Variants in PROM1 observed in about 807,000 individuals in gnomAD.
The protein encoded by PROM1 is prominin 1.
Under a neutral mutation model 116.9 loss-of-function variants are expected in PROM1, and 105 were observed. The observed-to-expected ratio is 0.90, with a 90% CI of 0.77 to 1.06. PROM1 has a LOEUF of 1.06. Among genes scored for constraint, PROM1 ranks in the 50% least tolerant of loss-of-function variants. The pLI is 0.00. For synonymous variants in PROM1, 393 were observed against 387.0 expected, an observed-to-expected ratio of 1.02 and a Z score of -0.18; for missense variants, 1,122 against 1,045.2, an observed-to-expected ratio of 1.07 and a Z score of -1.01.
intron 15 of PROM1, among the ~76,000 whole-genome samples, 178 bp downstream of exon 15, chr4:15,998,207 A>G (rs921595875): frequency 2.0e-5 from 3 of 152,240 alleles, no homozygotes; most frequent in African/African-American, 7.2e-5. Flanking sequence ...AAAGGCTTTC[A>G]GTAGAAGGAA....
intron 2 of PROM1, among the ~76,000 whole-genome samples, chr4:16,060,857 C>T (rs1237156065): frequency 3.3e-5 from 5 of 152,092 alleles, no homozygotes; most frequent in East Asian, 1.9e-4. Flanking sequence ...ATATTGAACA[C>T]GAAAGCAACA....
intron 22 of PROM1, 36 bp downstream of exon 22, chr4:15,985,724 A>AC (rs758333105): frequency 6.6e-6 from 9 of 1,369,952 alleles, no homozygotes; most frequent in African/African-American, 5.7e-5. Context: ...CTGAAACTTG[A>AC]CCCCCCTTAA....
chr4:16,004,805 ATCTT>A (rs147556972), intron 13 of PROM1, among the ~76,000 whole-genome samples: 19,417 of 123,672 alleles, frequency 0.16, 1,718 homozygotes, highest in African/African-American at 0.22. Flanking sequence ...CTTGCAGCTA[ATCTT>A]TCTTTCTTTC....
In PROM1 at chr4:16,076,102, C is replaced by A; in HGVS notation, c.-196G>T. ...AAGAATGTTCTCCAAGGGGGTCATTCACTCAAGGCACCATCCCTGGCAGGG... is the reference window on the plus strand; with the variant it reads ...AAGAATGTTCTCCAAGGGGGTCATTAACTCAAGGCACCATCCCTGGCAGGG... On this transcript the variant is annotated 5_prime_UTR_variant, in exon 2 of 28. It introduces an in-frame stop codon into an upstream open reading frame of the 5' UTR. Coordinates refer to ENST00000447510, the MANE Select transcript of PROM1 (RefSeq NM_006017.3). The A allele has an allele frequency of 9.0e-7, 1 of 1,111,180 alleles. No homozygotes were observed. Among genetic ancestry groups the A allele is most frequent in the African/African-American group, 1.6e-5 (1 of 63,398 alleles). The allele number at this position is 1,111,180 out of a possible 1,614,324, so 68.8% of individuals were successfully genotyped here. A position where few individuals can be genotyped will look rare whatever the true frequency, so the allele number is the denominator to read the frequency against.
At chr4:15,970,107 A>G (rs1337243321) in intron 27 of PROM1, among the ~76,000 whole-genome samples, 1 of 151,918 alleles carries the variant, frequency 6.6e-6, no homozygotes, top group Non-Finnish European at 1.5e-5. Flanking sequence ...CTGGGACTAC[A>G]GGCAGGTACC....
chr4:16,004,552 C>G (rs1724672543), intron 13 of PROM1, among the ~76,000 whole-genome samples: 1 of 152,128 alleles, frequency 6.6e-6, no homozygotes, highest in African/African-American at 2.4e-5. Context: ...GGTATATATA[C>G]ACACCCCACC....
chr4:15,971,114 C>A (rs1416483995), intron 26 of PROM1, 32 bp from the exon 27 acceptor site: 2 of 1,538,990 alleles, frequency 1.3e-6, no homozygotes, highest in Non-Finnish European at 8.7e-7. Context: ...AAATATAATA[C>A]CCCCAACAAA....
At chr4:16,066,496 CAG>C (rs1210143831) in intron 2 of PROM1, among the ~76,000 whole-genome samples, 3 of 152,174 alleles carry the variant, frequency 2.0e-5, no homozygotes, top group Non-Finnish European at 2.9e-5. Context: ...TAGTGGACGT[CAG>C]AGTTGGGATT....
chr4:16,081,342 A>G (rs1745011856), intron 1 of PROM1, among the ~76,000 whole-genome samples: 1 of 152,136 alleles, frequency 6.6e-6, no homozygotes, highest in Non-Finnish European at 1.5e-5. Context: ...CTGAAACTGG[A>G]TCCCTTCCTT....
intron 5 of PROM1, among the ~76,000 whole-genome samples, chr4:16,025,995 G>T (rs1165184440): frequency 6.6e-6 from 1 of 152,224 alleles, no homozygotes; most frequent in Non-Finnish European, 1.5e-5. Context: ...CAGTGGTTAT[G>T]CCCAGAGCAG....
At chr4:16,005,875 T>C (rs1156481029) in intron 13 of PROM1, among the ~76,000 whole-genome samples, 2 of 152,334 alleles carry the variant, frequency 1.3e-5, no homozygotes, top group East Asian at 1.9e-4. Context: ...CTGGCCCCGG[T>C]TGCACCTGGC....
intron 13 of PROM1, among the ~76,000 whole-genome samples, chr4:16,002,277 GGCAAGT>G (rs1724070584): frequency 1.3e-5 from 2 of 152,296 alleles, no homozygotes; most frequent in South Asian, 4.1e-4. Context: ...GTCAGACTAT[GGCAAGT>G]CCATTTGAGA....
chr4:15,992,725 C>T (rs936480512), intron 16 of PROM1, among the ~76,000 whole-genome samples: 1 of 152,210 alleles, frequency 6.6e-6, no homozygotes, highest in Non-Finnish European at 1.5e-5. Flanking sequence ...CATTTCCCAT[C>T]TCTTTCTCTA....
intron 13 of PROM1, chr4:16,003,153 A>C (rs1724303717): frequency 2.7e-6 from 1 of 373,082 alleles, no homozygotes; most frequent in Non-Finnish European, 5.4e-6. Context: ...AACTTTTGTC[A>C]ACAAATTAGG....
chr4:16,025,430 T>G (rs1731012692), intron 5 of PROM1, 118 bp from the exon 6 acceptor site: 1 of 1,259,446 alleles, frequency 7.9e-7, no homozygotes, highest in Non-Finnish European at 1.1e-6. Context: ...TGGCCTTTCC[T>G]CTCCCGCTGC....
intron 2 of PROM1, among the ~76,000 whole-genome samples, chr4:16,040,045 C>T (rs976061048): frequency 1.3e-5 from 2 of 152,166 alleles, no homozygotes; most frequent in East Asian, 3.8e-4. Context: ...CACTCTCTCT[C>T]ACCCCAGGAA....
intron 24 of PROM1, chr4:15,980,169 C>CA (rs1274055360): frequency 1.0e-5 from 6 of 592,704 alleles, no homozygotes; most frequent in African/African-American, 1.9e-5. Flanking sequence ...AGAGGAACTG[C>CA]AAACAAGAAA....
chr4:16,033,989 A>G lies in PROM1; in HGVS notation c.304-480T>C, dbSNP rs142810308. Among the ~76,000 whole-genome samples the G allele has an allele frequency of 5.3e-5, 8 of 152,280 alleles. No individual in the cohort carries two copies. The East Asian group carries it at 1.5e-3, about 29-fold the overall frequency. On this transcript the variant is annotated intron_variant, in intron 4 of 27. Coordinates refer to ENST00000447510, the MANE Select transcript of PROM1 (RefSeq NM_006017.3). Reference sequence around the variant, plus strand: ...GAAGCAGAGAATTGAGTAATTAAATACATGGCCAAGTGGTTACTGGAAGAT... The same window carrying G: ...GAAGCAGAGAATTGAGTAATTAAATGCATGGCCAAGTGGTTACTGGAAGAT...
chr4:16,063,786 T>C (rs771919163), intron 2 of PROM1, among the ~76,000 whole-genome samples: 1 of 152,204 alleles, frequency 6.6e-6, no homozygotes, highest in Non-Finnish European at 1.5e-5. Flanking sequence ...CAGCATATAA[T>C]AGCATTGTTC....
Sources: allele counts gnomAD v4.1 joint callset (sites outside exome capture counted in the v4.1 genomes callset), GRCh38; gene constraint gnomAD v4.1.1; transcripts MANE v1.5; gene names NCBI Gene and HGNC (gene_info 2026-07-23, HGNC 2026-07-21).